CARF: variants seen among roughly 807,000 people sequenced by gnomAD.
The protein encoded by CARF is calcium-responsive transcription factor.
Under a neutral mutation model 82.0 loss-of-function variants are expected in CARF, and 57 were observed. The observed-to-expected ratio is 0.70, with a 90% CI of 0.56 to 0.87. CARF has a LOEUF of 0.87. Ranked by LOEUF, CARF falls within the 40% of genes least tolerant of loss-of-function variation. The pLI is 0.00. For synonymous variants in CARF, 268 were observed against 290.1 expected, an observed-to-expected ratio of 0.92 and a Z score of 0.77; for missense variants, 771 against 855.8, an observed-to-expected ratio of 0.90 and a Z score of 1.24.
At chr2:202,934,231 A>T (rs752373290) in intron 3 of CARF, among the ~76,000 whole-genome samples, 3 of 152,046 alleles carry the variant, frequency 2.0e-5, no homozygotes, top group African/African-American at 7.2e-5. Context: ...GATACATGAC[A>T]TGTTCTTTAT....
At chr2:202,960,041 G>A (rs2105878412) in intron 8 of CARF, among the ~76,000 whole-genome samples, 1 of 152,244 alleles carries the variant, frequency 6.6e-6, no homozygotes, top group East Asian at 1.9e-4. Context: ...ATAAATGGAA[G>A]TAAGAAAATA....
chr2:202,967,059 G>A lies in CARF; in HGVS notation c.914G>A (p.Ser305Asn), dbSNP rs1180037514. The stretch of plus-strand genomic sequence containing the variant: ...TTAAAAAAAGTCAGTGAGCAGGAAA[G>A]CAGGTCTTGTCAGCTCTACAAAGCC... ...FQLKKVSEQE[S>N]RSCQLYKATC... Residue 305 changes from serine (S) to asparagine (N), a missense_variant, in exon 10 of 17, where the codon AGC (serine) becomes AAC (asparagine). Physicochemically the swap from Ser to Asn is conservative, Grantham distance 46. Transcript: ENST00000438828. The A allele has an allele frequency of 3.7e-6, 6 of 1,613,978 alleles. No individual in the cohort carries two copies. The highest frequency in any genetic ancestry group is 5.1e-6 in the Non-Finnish European group (6 of 1,180,008).
chr2:202,982,151 G>A lies in CARF; in HGVS notation c.1769G>A (p.Ser590Asn). 6.2e-7 allele frequency: 1 copy of A among 1,614,160 alleles called. No individual in the cohort carries two copies. The highest frequency in any genetic ancestry group is 8.5e-7 in the Non-Finnish European group (1 of 1,180,010). The change falls in exon 16 of 17, where the codon AGT becomes AAT. Residue 590 changes from serine (S) to asparagine (N), a missense_variant. By Grantham distance (46) the Ser-to-Asn change is conservative (BLOSUM62 1). Transcript: ENST00000438828. ...TCAGTAAATAACCAGCCGTCCTCTA[G>A]TCCTTCAGGACTTCTGGATACAATA... The part of the protein sequence containing the change: ...VVSVNNQPSS[S>N]PSGLLDTIGS...
At position 202,967,102 on chromosome 2, in the gene CARF, A is replaced by G. The variant is rs1421796420; in HGVS notation, c.953+4A>G. ...ACAAAGCCACTTGTCCAGCTCGGTA[A>G]GCTTTATTTTCTTTTATTTGTTTTC... On this transcript the variant is annotated splice_donor_region_variant and intron_variant, in intron 10 of 16. Coordinates refer to ENST00000438828, the MANE Select transcript of CARF (RefSeq NM_024744.17). 9 of 1,608,310 alleles carry G rather than the reference A, an allele frequency of 5.6e-6. No individual in the cohort carries two copies. Among genetic ancestry groups the G allele is most frequent in the Non-Finnish European group, 7.6e-6 (9 of 1,178,706 alleles).
chr2:202,958,249 A>ATGTGTGTGTG (rs71034206), intron 8 of CARF, among the ~76,000 whole-genome samples: 14,844 of 139,876 alleles, frequency 0.11, 1,245 homozygotes, highest in African/African-American at 0.22. Flanking sequence ...ATATACATAT[A>ATGTGTGTGTG]TGTGTGTGTG....
At chr2:202,958,933 A>G (rs990962791) in intron 8 of CARF, among the ~76,000 whole-genome samples, 1 of 151,168 alleles carries the variant, frequency 6.6e-6, no homozygotes, top group African/African-American at 2.4e-5. Flanking sequence ...AATTGGGTTA[A>G]TGGCTGAGGA....
chr2:202,952,556 A>G lies in CARF; in HGVS notation c.307-3A>G. ...TTGATTTTTTTTTTTTAATGCTTCC[A>G]AGATGATCGTTGCCAGCCCAACAGA... On this transcript the variant is annotated splice_region_variant and splice_polypyrimidine_tract_variant and intron_variant, in intron 5 of 16. Coordinates refer to ENST00000438828, the MANE Select transcript of CARF (RefSeq NM_024744.17). 1 of 1,612,872 alleles carries G rather than the reference A, an allele frequency of 6.2e-7. No individual in the cohort carries two copies. Among genetic ancestry groups the G allele is most frequent in the Non-Finnish European group, 8.5e-7 (1 of 1,179,506 alleles).
At position 202,987,344 on chromosome 2, in the gene CARF, AT is replaced by A; in HGVS notation, c.*3726del. Among the ~76,000 whole-genome samples the A allele has an allele frequency of 6.6e-6, 1 of 150,724 alleles. No individual in the cohort carries two copies. Among genetic ancestry groups the A allele is most frequent in the Non-Finnish European group, 1.5e-5 (1 of 67,706 alleles). On this transcript the variant is annotated 3_prime_UTR_variant, in exon 17 of 17. Transcript: ENST00000438828. Reference sequence around the variant, plus strand: ...GTGATCAAAAGAGAAGGGATTATTAATTTTTTCCCTCTTTGCTTTTTTTTAA... The same window carrying A: ...GTGATCAAAAGAGAAGGGATTATTAATTTTTCCCTCTTTGCTTTTTTTTAA...
chr2:202,975,719 C>T (rs1226048694), intron 13 of CARF, among the ~76,000 whole-genome samples: 1 of 152,060 alleles, frequency 6.6e-6, no homozygotes, highest in Admixed American at 6.5e-5. Flanking sequence ...ATATATTTCC[C>T]CTCCCTTTTT....
chr2:202,952,908 C>T (rs2058822819), intron 6 of CARF, among the ~76,000 whole-genome samples: 2 of 152,136 alleles, frequency 1.3e-5, no homozygotes, highest in South Asian at 4.1e-4. Flanking sequence ...TTGACTCCTG[C>T]TTCCTCCCAA....
chr2:202,948,938 A>C (rs1264764082), intron 5 of CARF, among the ~76,000 whole-genome samples: 1 of 152,020 alleles, frequency 6.6e-6, no homozygotes, highest in East Asian at 1.9e-4. Context: ...TTTCAAGGAG[A>C]ATGCTTCTGG....
Position 202,971,588 on chromosome 2 carries a change from T to C in CARF, c.1181T>C (p.Phe394Ser), listed in dbSNP as rs753925760. The C allele has an allele frequency of 1.9e-6, 3 of 1,613,806 alleles. No homozygotes were observed. The highest frequency in any genetic ancestry group is 2.5e-6 in the Non-Finnish European group (3 of 1,179,844). ...TGCCTCACTTTGTCACCTTCTCCTT[T>C]TCCTGTGTCTTCTCTTGAAGAAGAG... ...TPCLTLSPSPFPVSSLEEEET... is the reference protein window; with the variant it reads ...TPCLTLSPSPSPVSSLEEEET... The change falls in exon 12 of 17, where the codon TTT becomes TCT. Residue 394 changes from phenylalanine to serine, a missense_variant. Transcript: ENST00000438828.
intron 3 of CARF, chr2:202,938,363 G>A (rs1054047286): frequency 4.6e-5 from 7 of 152,048 alleles, no homozygotes; most frequent in South Asian, 2.1e-4. Flanking sequence ...AGCAGTTTTC[G>A]TGCCTTAGTC....
At chr2:202,932,450 G>A (rs1390842654) in intron 3 of CARF, among the ~76,000 whole-genome samples, 1 of 152,088 alleles carries the variant, frequency 6.6e-6, no homozygotes, top group African/African-American at 2.4e-5. Flanking sequence ...CCTCTGAGAG[G>A]CAGGGCACAG....
chr2:202,914,632 G>A (rs1185400766), intron 1 of CARF, among the ~76,000 whole-genome samples: 8 of 151,942 alleles, frequency 5.3e-5, no homozygotes, highest in Admixed American at 1.3e-4. Flanking sequence ...TACAAAAATT[G>A]GCCAGGCATG....
Position 202,958,453 on chromosome 2 carries a change from T to C in CARF, c.642+2695T>C, listed in dbSNP as rs369752795. Among the ~76,000 whole-genome samples the C allele has an allele frequency of 5.9e-5, 9 of 152,272 alleles. No individual in the cohort carries two copies. In the South Asian group the frequency reaches 6.2e-4, roughly 11 times the overall value. On this transcript the variant is annotated intron_variant, in intron 8 of 16. Transcript: ENST00000438828. The stretch of plus-strand genomic sequence containing the variant: ...ACAATCATGCAACCAAATCACCTTA[T>C]GTTACAACTATAGTGCATTGTGTGG...
chr2:202,934,415 T>C (rs747033619), intron 3 of CARF: 1 of 152,200 alleles, frequency 6.6e-6, no homozygotes, highest in Non-Finnish European at 1.5e-5. Context: ...TCAATTTGGC[T>C]CTAAGTTCTA....
At chr2:202,973,643 G>A in intron 12 of CARF, 1 of 280,250 alleles carries the variant, frequency 3.6e-6, no homozygotes, top group Non-Finnish European at 7.0e-6. Flanking sequence ...TCTATCATCT[G>A]TAAAGTGGGA....
intron 5 of CARF, among the ~76,000 whole-genome samples, chr2:202,946,253 A>G (rs1268583467): frequency 6.6e-6 from 1 of 152,238 alleles, no homozygotes; most frequent in Non-Finnish European, 1.5e-5. Flanking sequence ...AAACTATACT[A>G]CAAGGCTACA....
Sources: allele counts gnomAD v4.1 joint callset (sites outside exome capture counted in the v4.1 genomes callset), GRCh38; gene constraint gnomAD v4.1.1; transcripts MANE v1.5; gene names NCBI Gene and HGNC (gene_info 2026-07-23, HGNC 2026-07-21).